The following ABCA6 variants were observed in gnomAD, a reference collection of about 807,000 sequenced individuals.
The protein encoded by ABCA6 is ATP binding cassette subfamily A member 6.
Under a neutral mutation model 191.2 loss-of-function variants are expected in ABCA6, and 164 were observed. The observed-to-expected ratio is 0.86, with a 90% CI of 0.76 to 0.98. The LOEUF is 0.98. ABCA6 is among the 50% of genes least tolerant of loss of function. The pLI is 0.00. For synonymous variants in ABCA6, 636 were observed against 647.7 expected (o/e 0.98, Z 0.27); for missense variants, 1,958 against 1,894.1 (o/e 1.03, Z -0.63).
chr17:69,105,785 T>C, intron 19 of ABCA6, 157 bp from the exon 20 acceptor site: 1 of 722,204 alleles, frequency 1.4e-6, no homozygotes, highest in Non-Finnish European at 2.2e-6. Context: ...TGCTACACAG[T>C]ACCAGAAGGC....
chr17:69,092,251 C>T (rs2072943134), intron 25 of ABCA6, among the ~76,000 whole-genome samples: 1 of 152,150 alleles, frequency 6.6e-6, no homozygotes, highest in African/African-American at 2.4e-5. Context: ...AAAATAGAAT[C>T]ATAATTGCTA....
intron 25 of ABCA6, 51 bp from the exon 26 acceptor site, chr17:69,091,313 A>G: frequency 1.9e-6 from 3 of 1,588,928 alleles, no homozygotes; most frequent in Admixed American, 3.5e-5. Context: ...ACCCATTGAT[A>G]TTTTGTAAAA....
rs2073902641 is a variant in ABCA6 at position 69,133,690 on chromosome 17, T to C, written c.742A>G (p.Lys248Glu). Residue 248 changes from lysine (K) to glutamate (E), a missense_variant, in exon 6 of 39, where the codon AAG (lysine) becomes GAG (glutamate). Lys to Glu is a moderately conservative substitution (Grantham distance 56). Transcript: ENST00000284425. ...ATCATTTTCATCAAATTCTTAGACT[T>C]TTTTCTCTCTTTTGTTACATTGAGT... is the stretch of plus-strand genomic sequence containing the variant. ...ISLNVTKERK[K>E]SKNLMKMMGL... is the part of the protein sequence containing the mutation. The C allele has an allele frequency of 1.9e-6, 3 of 1,607,344 alleles. No homozygotes were observed. Among genetic ancestry groups the C allele is most frequent in the African/African-American group, 2.7e-5 (2 of 74,868 alleles).
intron 21 of ABCA6, among the ~76,000 whole-genome samples, 177 bp from the exon 22 acceptor site, chr17:69,101,111 T>C (rs1305293120): frequency 1.3e-5 from 2 of 152,204 alleles, no homozygotes; most frequent in Admixed American, 1.3e-4. Flanking sequence ...AAATGGGTTG[T>C]TATAGGGCTT....
At chr17:69,121,699 G>A (rs957950597) in intron 10 of ABCA6, among the ~76,000 whole-genome samples, 4 of 151,842 alleles carry the variant, frequency 2.6e-5, no homozygotes, top group African/African-American at 9.7e-5. Context: ...AAAATTTTGA[G>A]GTCTTTGTAA....
intron 7 of ABCA6, among the ~76,000 whole-genome samples, chr17:69,129,031 TG>T (rs375094060): frequency 1.9e-4 from 29 of 151,936 alleles, no homozygotes; most frequent in African/African-American, 6.0e-4. Context: ...TAGGAAAGGG[TG>T]GGGGAAAAGC....
chr17:69,112,650 G>C, intron 15 of ABCA6: 1 of 179,008 alleles, frequency 5.6e-6, no homozygotes, highest in Non-Finnish European at 1.2e-5. Context: ...CTGAAGACTC[G>C]GAAGGGTGAG....
chr17:69,105,546 C>T lies in ABCA6; in HGVS notation c.2656G>A (p.Glu886Lys), dbSNP rs757237731. Reference protein sequence around the residue: ...YAMLNEKIDWEFKNELYFLSP... With the variant: ...YAMLNEKIDWKFKNELYFLSP... ...AGAAAATACAATTCGTTTTTAAATT[C>T]CCAATCGATCTTTTCATTTAACATA... is the stretch of plus-strand genomic sequence containing the variant. Residue 886 changes from glutamate (E) to lysine (K), a missense_variant, in exon 20 of 39, where the codon GAA (glutamate) becomes AAA (lysine). Glu to Lys is a moderately conservative substitution (Grantham distance 56, BLOSUM62 1). Coordinates refer to ENST00000284425, the MANE Select transcript of ABCA6 (RefSeq NM_080284.3). 3 of 1,599,330 alleles carry T rather than the reference C, an allele frequency of 1.9e-6. No individual in the cohort carries two copies. The highest frequency in any genetic ancestry group is 4.5e-5 in the East Asian group (2 of 44,714).
chr17:69,114,666 A>T (rs530024112), intron 13 of ABCA6, 96 bp downstream of exon 13: 1 of 1,270,594 alleles, frequency 7.9e-7, no homozygotes, highest in Non-Finnish European at 1.1e-6. Context: ...AATTTTATTC[A>T]TAACAGGGCA....
At position 69,097,981 on chromosome 17, in the gene ABCA6, A is replaced by G. The variant is rs575996331; in HGVS notation, c.3059T>C (p.Leu1020Ser). 6.2e-7 allele frequency: 1 copy of G among 1,612,128 alleles called. No individual in the cohort carries two copies. The highest frequency in any genetic ancestry group is 8.5e-7 in the Non-Finnish European group (1 of 1,179,220). The change falls in exon 23 of 39, where the codon TTA (leucine) becomes TCA (serine). Residue 1020 changes from leucine (L) to serine (S), a missense_variant. By Grantham distance (145) the Leu-to-Ser change is moderately radical (BLOSUM62 -2). Coordinates refer to ENST00000284425, the MANE Select transcript of ABCA6 (RefSeq NM_080284.3). The stretch of plus-strand genomic sequence containing the variant: ...AGAAATGCTACATAGAACCAAAAAT[A>G]AGAAAAAGGAACCATCCGGCAACCC... ...WTGLPDGSFFLFLVLCSISPY... is the reference protein window; with the variant it reads ...WTGLPDGSFFSFLVLCSISPY...
At chr17:69,099,717 C>T (rs898270984) in intron 22 of ABCA6, 1 of 154,184 alleles carries the variant, frequency 6.5e-6, no homozygotes, top group South Asian at 2.0e-4. Flanking sequence ...CCCCTTCCCT[C>T]GAGTCATCCT....
Position 69,084,448 on chromosome 17 carries a change from G to C in ABCA6, c.4244C>G (p.Ala1415Gly). The change falls in exon 33 of 39, where the codon GCA becomes GGA. Residue 1415 changes from alanine to glycine, a missense_variant. Coordinates refer to ENST00000284425, the MANE Select transcript of ABCA6 (RefSeq NM_080284.3). ...CGCACGTACCTTTCTCGTGATTCCT[G>C]CTGTTAATTTCTGCACAGGAACATT... ...QLNVPVQKLT[A>G]GITRKLCFVL... 1 of 1,614,142 alleles carries C rather than the reference G, an allele frequency of 6.2e-7. No homozygotes were observed. Among genetic ancestry groups the C allele is most frequent in the Non-Finnish European group, 8.5e-7 (1 of 1,180,016 alleles).
chr17:69,126,126 C>T (rs1286114828), intron 8 of ABCA6, among the ~76,000 whole-genome samples: 1 of 152,008 alleles, frequency 6.6e-6, no homozygotes, highest in East Asian at 1.9e-4. Context: ...TATTTGAAGA[C>T]AACATGATTA....
chr17:69,135,607 T>A (rs1379555391), intron 4 of ABCA6: 1 of 169,868 alleles, frequency 5.9e-6, no homozygotes, highest in African/African-American at 2.4e-5. Context: ...CACCTCAGGG[T>A]CTTCACAATT....
rs1479418699 is a variant in ABCA6 at position 69,123,481 on chromosome 17, A to G, written c.1268-74T>C. Reference sequence around the variant, plus strand: ...GCGCAAAGAAGCCTTGCTAACAACAATGCAGAATGCCTTGAAGTTTTAAGC... The same window carrying G: ...GCGCAAAGAAGCCTTGCTAACAACAGTGCAGAATGCCTTGAAGTTTTAAGC... On this transcript the variant is annotated intron_variant, in intron 9 of 38. Coordinates refer to ENST00000284425, the MANE Select transcript of ABCA6 (RefSeq NM_080284.3). The G allele has an allele frequency of 5.7e-6, 6 of 1,051,582 alleles. No homozygotes were observed. In the African/African-American group the frequency reaches 8.2e-5, roughly 14 times the overall value. The allele number at this position is 1,051,582 out of a possible 1,614,324, so 65.1% of individuals were successfully genotyped here. A position where few individuals can be genotyped will look rare whatever the true frequency, so the allele number is the denominator to read the frequency against.
In ABCA6 at chr17:69,079,220, G is replaced by A. The variant is rs145490715; in HGVS notation, c.4742C>T (p.Thr1581Ile). The A allele has an allele frequency of 3.1e-4, 500 of 1,609,468 alleles. 2 individuals are homozygous for A. The highest frequency in any genetic ancestry group is 3.9e-4 in the Non-Finnish European group (462 of 1,177,696). ...AACCACTTGACTTACCTTCTCCAGTGTGCACTGAGAAAGGCTGTATTCTTC... is the reference window on the plus strand; with the variant it reads ...AACCACTTGACTTACCTTCTCCAGTATGCACTGAGAAAGGCTGTATTCTTC... Reference protein sequence around the residue: ...NLEEYSLSQCTLEKVFLELSK... With the variant: ...NLEEYSLSQCILEKVFLELSK... Residue 1581 changes from threonine (T) to isoleucine (I), a missense_variant, in exon 38 of 39, where the codon ACA (threonine) becomes ATA (isoleucine). Thr to Ile is a moderately conservative substitution (Grantham distance 89). Transcript: ENST00000284425.
chr17:69,118,401 C>T (rs1568024821), intron 10 of ABCA6, among the ~76,000 whole-genome samples: 1 of 152,048 alleles, frequency 6.6e-6, no homozygotes, highest in Non-Finnish European at 1.5e-5. Flanking sequence ...TTTGAACTCA[C>T]CTCTACTTTG....
chr17:69,107,897 T>C (rs924948530), intron 17 of ABCA6, 85 bp from the exon 18 acceptor site: 2 of 821,890 alleles, frequency 2.4e-6, no homozygotes, highest in African/African-American at 3.5e-5. Flanking sequence ...TAAAAGACAA[T>C]ACATAATATT....
chr17:69,100,754 G>T (rs765463307), intron 22 of ABCA6, 43 bp downstream of exon 22: 20 of 1,530,802 alleles, frequency 1.3e-5, no homozygotes, highest in Non-Finnish European at 1.7e-5. Context: ...TAGGCTATTT[G>T]TCCAATTCTT....
Sources: gnomAD v4.1 joint callset for allele counts (sites outside exome capture counted in the v4.1 genomes callset) on GRCh38, gnomAD v4.1.1 for gene constraint, MANE v1.5 for transcripts, NCBI Gene and HGNC (gene_info 2026-07-23, HGNC 2026-07-21) for gene names.